The following CARF variants were observed in gnomAD, a reference collection of about 807,000 sequenced individuals.
The protein encoded by CARF is calcium responsive transcription factor, also known as calcium-responsive transcription factor.
CARF carries 57 observed loss-of-function variants against 82.0 expected under a neutral mutation model. That is an observed-to-expected ratio of 0.70 (90% confidence interval 0.56 to 0.87). CARF has a LOEUF of 0.87. Ranked by LOEUF, CARF falls within the 40% of genes least tolerant of loss-of-function variation. The probability of loss-of-function intolerance (pLI) is 0.00; values close to 1 mark genes in which losing one functional copy is unlikely to be tolerated. For synonymous variants in CARF, 268 were observed against 290.1 expected, an observed-to-expected ratio of 0.92 and a Z score of 0.77; for missense variants, 771 against 855.8, an observed-to-expected ratio of 0.90 and a Z score of 1.24.
intron 1 of CARF, among the ~76,000 whole-genome samples, chr2:202,916,290 C>T (rs1208065038): frequency 6.6e-6 from 1 of 152,074 alleles, no homozygotes; most frequent in Non-Finnish European, 1.5e-5. Context: ...AAGCGATTCT[C>T]CTGCCTCAAC....
At chr2:202,954,223 A>G (rs2058918672) in intron 7 of CARF, 89 bp downstream of exon 7, 4 of 1,394,362 alleles carry the variant, frequency 2.9e-6, no homozygotes, top group Non-Finnish European at 3.9e-6. Flanking sequence ...CAGACTATAG[A>G]GAAAATCAGA....
chr2:202,961,553 T>C (rs1394186934), intron 9 of CARF, 127 bp downstream of exon 9: 11 of 761,212 alleles, frequency 1.4e-5, no homozygotes, highest in Admixed American at 2.6e-5. Flanking sequence ...TTGATTAAAA[T>C]GCATATTAAA....
At chr2:202,964,739 C>T (rs909930431) in intron 9 of CARF, among the ~76,000 whole-genome samples, 2 of 151,876 alleles carry the variant, frequency 1.3e-5, no homozygotes, top group African/African-American at 4.8e-5. Context: ...GTCTCATACC[C>T]CTTACACTTC....
At position 202,986,972 on chromosome 2, in the gene CARF, T is replaced by A. The variant is rs2060473462; in HGVS notation, c.*3348T>A. 1 of 147,444 alleles carries A rather than the reference T, an allele frequency of 6.8e-6. No individual in the cohort carries two copies. The highest frequency in any genetic ancestry group is 2.1e-4 in the South Asian group (1 of 4,690). 9.1% of individuals were successfully genotyped at this position (147,444 alleles called of 1,614,324 possible). On this transcript the variant is annotated 3_prime_UTR_variant, in exon 17 of 17. Transcript: ENST00000438828. The stretch of plus-strand genomic sequence containing the variant: ...TTTCATTAAAAATCCTGCTTTTTTT[T>A]TATACTTGTTAGTTTTCTTTTTATA...
chr2:202,971,441 T>C, intron 11 of CARF, 64 bp from the exon 12 acceptor site: 1 of 957,466 alleles, frequency 1.0e-6, no homozygotes, highest in Non-Finnish European at 1.6e-6. Flanking sequence ...CCTACTTTGG[T>C]CTAATAATAT....
At position 202,918,000 on chromosome 2, in the gene CARF, G is replaced by A. The variant is rs1306160038; in HGVS notation, c.-206G>A. 4 of 451,118 alleles carry A rather than the reference G, an allele frequency of 8.9e-6. No homozygotes were observed. The Admixed American group carries it at 9.6e-5, about 11-fold the overall frequency. The allele number at this position is 451,118 out of a possible 1,614,324, so 27.9% of individuals were successfully genotyped here. ...AGAAAGGACATTTCTGGGGGTAGTA[G>A]AATGCTTGAGGCCTGGAATTTAAAC... On this transcript the variant is annotated 5_prime_UTR_variant, in exon 2 of 17. Coordinates refer to ENST00000438828, the MANE Select transcript of CARF (RefSeq NM_024744.17).
At position 202,968,742 on chromosome 2, in the gene CARF, A is replaced by G. The variant is rs144473910; in HGVS notation, c.954-1177A>G. ...GGTGCCATAGGAAGGAGGGAAACCA[A>G]AAGAGGAATAAAATTTTACTTAATC... On this transcript the variant is annotated intron_variant, in intron 10 of 16. Coordinates refer to ENST00000438828, the MANE Select transcript of CARF (RefSeq NM_024744.17). 3.6e-4 allele frequency among the ~76,000 whole-genome samples: 55 copies of G among 152,322 alleles called. 1 individual carries two copies. The highest frequency in any genetic ancestry group is 8.5e-4 in the Admixed American group (13 of 15,288).
At chr2:202,913,477 A>T (rs138805020) in intron 1 of CARF, among the ~76,000 whole-genome samples, 13,453 of 152,234 alleles carry the variant, frequency 0.088, 739 homozygotes, top group Non-Finnish European at 0.12. Flanking sequence ...TTCCAGTTTA[A>T]CTAGAAGCTT....
At chr2:202,944,402 A>G (rs1311529890) in intron 5 of CARF, among the ~76,000 whole-genome samples, 1 of 152,234 alleles carries the variant, frequency 6.6e-6, no homozygotes, top group Non-Finnish European at 1.5e-5. Flanking sequence ...TTTTAAAAGC[A>G]TAATAACTTT....
chr2:202,933,155 G>A (rs1693265401), intron 3 of CARF, among the ~76,000 whole-genome samples: 1 of 152,146 alleles, frequency 6.6e-6, no homozygotes. Flanking sequence ...GGTAGGTGGG[G>A]TGGCTCCACC....
chr2:202,915,809 A>G (rs1307067224), intron 1 of CARF, among the ~76,000 whole-genome samples: 1 of 150,608 alleles, frequency 6.6e-6, no homozygotes, highest in Non-Finnish European at 1.5e-5. Context: ...GGGTTTCACT[A>G]TGTTGGCCAG....
chr2:202,973,883 C>G (rs1029332660), intron 12 of CARF, among the ~76,000 whole-genome samples: 1 of 151,692 alleles, frequency 6.6e-6, no homozygotes, highest in African/African-American at 2.4e-5. Context: ...GTTAGGAGAT[C>G]GAGACCAGCC....
In CARF at chr2:202,969,938, C is replaced by T. The variant is rs746691224; in HGVS notation, c.973C>T (p.Gln325Ter). ...CPARIYIKKVQKFPEYRVPTD... is the reference protein window; with the variant it reads ...CPARIYIKKV ...ATAAAGGATTTACATTAAAAAGGTA[C>T]AGAAGTTTCCTGAATATAGAGTTCC... The change falls in exon 11 of 17, where the codon CAG becomes TAG. Residue 325 changes from glutamine to a stop codon, truncating the protein, a stop_gained. Transcript: ENST00000438828. LOFTEE classifies it high-confidence loss of function. The T allele has an allele frequency of 1.3e-6, 2 of 1,524,176 alleles. No individual in the cohort carries two copies. Among genetic ancestry groups the T allele is most frequent in the Admixed American group, 2.5e-5 (1 of 40,760 alleles). The allele number at this position is 1,524,176 out of a possible 1,614,324, so 94.4% of individuals were successfully genotyped here.
chr2:202,951,891 G>A (rs1016379045), intron 5 of CARF, among the ~76,000 whole-genome samples: 1 of 150,568 alleles, frequency 6.6e-6, no homozygotes, highest in African/African-American at 2.4e-5. Context: ...GGAGTATAGT[G>A]GCGCGATCTC....
chr2:202,971,712 A>G lies in CARF; in HGVS notation c.1305A>G (p.Gln435=), dbSNP rs1004940116. Residue 435 remains glutamine (Q), a synonymous_variant, in exon 12 of 17, where the codon CAA becomes CAG. Transcript: ENST00000438828. ...IQELVSQGIE[Q]VYAVRKQLRK... ...AATTAGTATCACAGGGAATAGAACAAGTGTATGCAGTAAGGAAACAGCTAA... is the reference window on the plus strand; with the variant it reads ...AATTAGTATCACAGGGAATAGAACAGGTGTATGCAGTAAGGAAACAGCTAA... 5 of 1,612,610 alleles carry G rather than the reference A, an allele frequency of 3.1e-6. No individual in the cohort carries two copies. Among genetic ancestry groups the G allele is most frequent in the Admixed American group, 1.7e-5 (1 of 60,002 alleles).
At chr2:202,975,918 G>A (rs1305273752) in intron 13 of CARF, among the ~76,000 whole-genome samples, 1 of 151,682 alleles carries the variant, frequency 6.6e-6, no homozygotes, top group African/African-American at 2.4e-5. Flanking sequence ...GGTGGCAGGT[G>A]CCTATAGTCC....
At chr2:202,966,158 A>C (rs2059541446) in intron 9 of CARF, among the ~76,000 whole-genome samples, 1 of 152,154 alleles carries the variant, frequency 6.6e-6, no homozygotes, top group African/African-American at 2.4e-5. Context: ...GCCTAATATC[A>C]AAAATTACTT....
At chr2:202,937,288 C>T (rs991107463) in intron 3 of CARF, among the ~76,000 whole-genome samples, 1 of 151,574 alleles carries the variant, frequency 6.6e-6, no homozygotes, top group African/African-American at 2.4e-5. Flanking sequence ...TTTTTTAGTT[C>T]TATAGTATTT....
At chr2:202,982,011 C>T (rs2060282066) in intron 15 of CARF, 61 bp from the exon 16 acceptor site, 1 of 1,525,780 alleles carries the variant, frequency 6.6e-7, no homozygotes, top group Non-Finnish European at 8.9e-7. Flanking sequence ...ATTGTATATC[C>T]TATGAGAATA....
Sources: allele counts gnomAD v4.1 joint callset (sites outside exome capture counted in the v4.1 genomes callset), GRCh38; gene constraint gnomAD v4.1.1; transcripts MANE v1.5; gene names NCBI Gene and HGNC (gene_info 2026-07-23, HGNC 2026-07-21).